Variants in DOK4 observed in about 807,000 individuals in gnomAD.
DOK4 encodes docking protein 4, also known as downstream of tyrosine kinase 4.
In DOK4, 26 loss-of-function variants were observed where a neutral mutation model predicts 40.1. That is an observed-to-expected ratio of 0.65 (90% CI 0.48 to 0.90). The LOEUF (loss-of-function observed/expected upper bound fraction) is 0.90. DOK4 is among the 40% of genes least tolerant of loss of function. The probability of loss-of-function intolerance (pLI) is 0.00; values close to 1 mark genes in which losing one functional copy is unlikely to be tolerated. For synonymous variants in DOK4, 179 were observed against 177.0 expected (o/e 1.01, Z -0.09); for missense variants, 392 against 437.2 (o/e 0.90, Z 0.92).
At chr16:57,475,792 C>G in intron 3 of DOK4, 58 bp downstream of exon 3, 1 of 1,482,016 alleles carries the variant, frequency 6.7e-7, no homozygotes. Context: ...CTCCCTCTCT[C>G]TCTCTCCATC....
At chr16:57,475,342 C>T (rs1313382695) in intron 4 of DOK4, 123 bp from the exon 5 acceptor site, 2 of 1,504,106 alleles carry the variant, frequency 1.3e-6, no homozygotes, top group East Asian at 4.5e-5. Context: ...GCCTGCCTGT[C>T]TTGCCTCAAC....
chr16:57,484,785 T>C (rs1292566070), intron 1 of DOK4, among the ~76,000 whole-genome samples: 1 of 152,218 alleles, frequency 6.6e-6, no homozygotes, highest in Admixed American at 6.5e-5. Context: ...GGACCCCCAC[T>C]AGTCAGCCTC....
In DOK4 at chr16:57,474,779, C is replaced by T. The variant is rs529751163; in HGVS notation, c.599+14G>A. 6.4e-5 allele frequency: 103 copies of T among 1,611,772 alleles called. 3 individuals carry two copies. In the South Asian group the frequency reaches 9.5e-4, roughly 15 times the overall value. On this transcript the variant is annotated intron_variant, in intron 6 of 8. Transcript: ENST00000340099. ...ACCATAGTAGGACAGGGCTGGGAGG[C>T]GAGAGGGTCCTACCGGCCAGCCTCG...
Position 57,479,611 on chromosome 16 carries a change from G to A in DOK4, c.-104C>T. ...TCCAATCACCTGTTCCAGACACTCT[G>A]TCGGGGCTGCCGCGAGGGGCTGCTC... On this transcript the variant is annotated 5_prime_UTR_variant, in exon 2 of 9. Coordinates refer to ENST00000340099, the Ensembl canonical transcript of DOK4. The surrounding 1 kb of genome is among the most constrained non-coding windows in gnomAD (Gnocchi z 5.8). The A allele has an allele frequency of 7.6e-7, 1 of 1,319,980 alleles. No homozygotes were observed. 81.8% of individuals were successfully genotyped at this position (1,319,980 alleles called of 1,614,324 possible).
chr16:57,475,032 G>C, intron 5 of DOK4, 50 bp from the exon 6 acceptor site: 2 of 1,599,830 alleles, frequency 1.3e-6, no homozygotes, highest in Non-Finnish European at 1.7e-6. Flanking sequence ...CCCAGATGGG[G>C]ACTTCCTCCC....
intron 1 of DOK4, among the ~76,000 whole-genome samples, chr16:57,480,706 G>A (rs1348780476): frequency 6.6e-6 from 1 of 152,170 alleles, no homozygotes; most frequent in African/African-American, 2.4e-5. Flanking sequence ...GGAGCAGGAA[G>A]TGGGAGTACC....
At chr16:57,482,374 T>G (rs1312819285) in intron 1 of DOK4, among the ~76,000 whole-genome samples, 18 of 144,842 alleles carry the variant, frequency 1.2e-4, no homozygotes, top group Admixed American at 1.0e-3. Flanking sequence ...TTTTTTTTTT[T>G]TTTTTTTTTT....
At chr16:57,482,524 A>C (rs1455036276) in intron 1 of DOK4, among the ~76,000 whole-genome samples, 4 of 150,146 alleles carry the variant, frequency 2.7e-5, no homozygotes. Context: ...CCACCACCAT[A>C]CCCGGCTAAT....
intron 2 of DOK4, among the ~76,000 whole-genome samples, chr16:57,476,748 C>A (rs1185834759): frequency 6.6e-6 from 1 of 152,222 alleles, no homozygotes; most frequent in Non-Finnish European, 1.5e-5. Flanking sequence ...ATGGTGCCTT[C>A]CCTCCTGGCC....
intron 2 of DOK4, among the ~76,000 whole-genome samples, chr16:57,477,526 C>A (rs2031233632): frequency 6.6e-6 from 1 of 152,258 alleles, no homozygotes; most frequent in South Asian, 2.1e-4. Context: ...CAGATACACC[C>A]TGCCAGGGTG....
chr16:57,486,774 A>G (rs1040857503), upstream of DOK4, among the ~76,000 whole-genome samples: 4 of 149,658 alleles, frequency 2.7e-5, no homozygotes, highest in East Asian at 2.0e-4. Context: ...TTCAGGAATC[A>G]CATACACACC....
chr16:57,484,714 G>T (rs1301390936), intron 1 of DOK4, among the ~76,000 whole-genome samples: 5 of 152,084 alleles, frequency 3.3e-5, no homozygotes, highest in Non-Finnish European at 7.4e-5. Context: ...ACATGCTCAT[G>T]GTTCATTCCA....
exon 9 of DOK4, chr16:57,473,360 G>T (rs1598047723): frequency 3.7e-6 from 6 of 1,607,562 alleles, no homozygotes; most frequent in Non-Finnish European, 5.1e-6. Flanking sequence ...AGTCATCGGT[G>T]CTCGCCAGCA....
chr16:57,474,634 A>C (rs2031054069), intron 6 of DOK4, 159 bp downstream of exon 6: 1 of 956,472 alleles, frequency 1.0e-6, no homozygotes, highest in African/African-American at 1.6e-5. Context: ...CTAAGCCTCC[A>C]TTTCATTTCT....
Position 57,485,313 on chromosome 16 carries a change from C to T in DOK4, c.-182+992G>A, listed in dbSNP as rs1598058963. 6.6e-6 allele frequency among the ~76,000 whole-genome samples: 1 copy of T among 152,188 alleles called. No individual in the cohort carries two copies. The highest frequency in any genetic ancestry group is 6.5e-5 in the Admixed American group (1 of 15,280). ...GTGAGGTCATGCCCAGCCCTGCTGCCCTGCCCAGGAGGGAAGTGCTGGGAG... is the reference window on the plus strand; with the variant it reads ...GTGAGGTCATGCCCAGCCCTGCTGCTCTGCCCAGGAGGGAAGTGCTGGGAG... On this transcript the variant is annotated intron_variant, in intron 1 of 8. Coordinates refer to ENST00000340099, the Ensembl canonical transcript of DOK4. The surrounding 1 kb of genome is among the most constrained non-coding windows in gnomAD (Gnocchi z 4.3).
intron 3 of DOK4, 98 bp downstream of exon 3, chr16:57,475,752 C>G: frequency 3.3e-6 from 3 of 913,856 alleles, no homozygotes; most frequent in South Asian, 1.5e-5. Context: ...CTCTCTCCCC[C>G]TTTCTCCCCT....
chr16:57,473,663 C>T lies in DOK4; in HGVS notation c.812G>A (p.Trp271Ter). The T allele has an allele frequency of 6.2e-7, 1 of 1,614,240 alleles. No individual in the cohort carries two copies. The highest frequency in any genetic ancestry group is 1.1e-5 in the South Asian group (1 of 91,088). ...GTTCTGGGAACCAGTGATGTGGTGC[C>T]AGTAGGCACTGCGCGGCAGCATGGT... The change falls in exon 8 of 9, where the codon TGG becomes TAG. Residue 271 changes from tryptophan (W) to a stop codon, truncating the protein, a stop_gained. Transcript: ENST00000340099. LOFTEE classifies it high-confidence loss of function.
At chr16:57,475,531 C>G (rs1229793596) in exon 4 of DOK4, 5 of 1,608,796 alleles carry the variant, frequency 3.1e-6, no homozygotes, top group Non-Finnish European at 4.2e-6. Flanking sequence ...AGGTACGTGC[C>G]GAGTCATCAG....
intron 1 of DOK4, among the ~76,000 whole-genome samples, chr16:57,482,016 C>T (rs1374906848): frequency 6.6e-6 from 1 of 152,172 alleles, no homozygotes; most frequent in Non-Finnish European, 1.5e-5. Flanking sequence ...AGGCTCCCAC[C>T]ACCATGCTCG....
Sources: gnomAD v4.1 joint callset for allele counts (sites outside exome capture counted in the v4.1 genomes callset) on GRCh38, gnomAD v4.1.1 for gene constraint, Gnocchi (gnomAD v3.1) non-coding constraint, MANE v1.5 for transcripts, NCBI Gene and HGNC (gene_info 2026-07-23, HGNC 2026-07-21) for gene names.